SLC2A13: variants seen among roughly 807,000 people sequenced by gnomAD.
SLC2A13 encodes the protein proton myo-inositol cotransporter.
Under a neutral mutation model 64.4 loss-of-function variants are expected in SLC2A13, and 32 were observed. The ratio of observed to expected loss-of-function variants is 0.50; its 90% CI spans 0.37 to 0.67. The LOEUF (loss-of-function observed/expected upper bound fraction) is 0.67. Ranked by LOEUF, SLC2A13 falls within the 30% of genes least tolerant of loss-of-function variation. SLC2A13 has a pLI of 0.00. For synonymous variants in SLC2A13, 338 were observed against 327.1 expected, an observed-to-expected ratio of 1.03 and a Z score of -0.36; for missense variants, 743 against 829.2, an observed-to-expected ratio of 0.90 and a Z score of 1.28.
At chr12:39,936,504 AT>A (rs530097137) in intron 4 of SLC2A13, among the ~76,000 whole-genome samples, 28 of 152,274 alleles carry the variant, frequency 1.8e-4, no homozygotes, top group African/African-American at 6.7e-4. Flanking sequence ...GCCCAGCTAT[AT>A]TTCCTGCCTT....
intron 4 of SLC2A13, among the ~76,000 whole-genome samples, chr12:39,926,455 C>G (rs1945731657): frequency 6.6e-6 from 1 of 152,090 alleles, no homozygotes. Context: ...AATGCAAGCA[C>G]AGATATCAAT....
At chr12:39,940,646 A>ATT (rs113767773) in intron 4 of SLC2A13, among the ~76,000 whole-genome samples, 27 of 151,380 alleles carry the variant, frequency 1.8e-4, no homozygotes, top group Middle Eastern at 3.4e-3. Flanking sequence ...GATGGCTGTG[A>ATT]TTTTTTTTTA....
chr12:39,777,700 G>A (rs1194651176), intron 7 of SLC2A13, among the ~76,000 whole-genome samples: 5 of 152,180 alleles, frequency 3.3e-5, no homozygotes, highest in African/African-American at 1.2e-4. Flanking sequence ...ACAGGTGGCT[G>A]GCCGTCGAGA....
At chr12:39,810,981 A>G (rs1942140673) in intron 7 of SLC2A13, among the ~76,000 whole-genome samples, 1 of 152,224 alleles carries the variant, frequency 6.6e-6, no homozygotes, top group African/African-American at 2.4e-5. Flanking sequence ...CCCTTTTCTG[A>G]AAGAGTTTAT....
At chr12:39,908,994 GT>G (rs34616072) in intron 4 of SLC2A13, among the ~76,000 whole-genome samples, 3 of 151,020 alleles carry the variant, frequency 2.0e-5, no homozygotes, top group South Asian at 2.1e-4. Context: ...TAAAGAAAGA[GT>G]TTTTTTTTAC....
At chr12:39,839,022 G>GCTCA (rs1314652695) in intron 6 of SLC2A13, among the ~76,000 whole-genome samples, 1 of 152,044 alleles carries the variant, frequency 6.6e-6, no homozygotes, top group African/African-American at 2.4e-5. Context: ...AGGTAATTGT[G>GCTCA]CTCACTCACT....
chr12:39,925,321 T>A (rs1178723433), intron 4 of SLC2A13, among the ~76,000 whole-genome samples: 2 of 152,072 alleles, frequency 1.3e-5, no homozygotes. Flanking sequence ...GTGTGAGCCA[T>A]CAGGCCTGGC....
At chr12:40,033,267 A>T (rs1460326304) in intron 2 of SLC2A13, among the ~76,000 whole-genome samples, 1 of 152,256 alleles carries the variant, frequency 6.6e-6, no homozygotes, top group Non-Finnish European at 1.5e-5. Context: ...TTGATAATTA[A>T]TTCTGTAGAA....
chr12:39,960,143 T>G (rs1001527327), intron 3 of SLC2A13, among the ~76,000 whole-genome samples: 1 of 152,212 alleles, frequency 6.6e-6, no homozygotes, highest in Non-Finnish European at 1.5e-5. Context: ...TACTTTTCTC[T>G]AAAGTTATAT....
intron 1 of SLC2A13, among the ~76,000 whole-genome samples, chr12:40,069,247 C>G (rs1305366907): frequency 6.6e-6 from 1 of 152,102 alleles, no homozygotes; most frequent in Non-Finnish European, 1.5e-5. Context: ...CTGGTATTCA[C>G]TCTTTCTGGT....
chr12:39,889,604 C>T (rs1273353722), intron 4 of SLC2A13, among the ~76,000 whole-genome samples: 1 of 146,484 alleles, frequency 6.8e-6, no homozygotes, highest in Non-Finnish European at 1.5e-5. Context: ...ACCATCTTGG[C>T]ACACCACAAC....
intron 4 of SLC2A13, among the ~76,000 whole-genome samples, chr12:39,919,675 C>T (rs1945581558): frequency 6.6e-6 from 1 of 152,006 alleles, no homozygotes; most frequent in Admixed American, 6.6e-5. Flanking sequence ...TGGAAACACC[C>T]CCCAAACCCA....
intron 7 of SLC2A13, among the ~76,000 whole-genome samples, chr12:39,815,338 T>C (rs75923506): frequency 6.6e-6 from 1 of 152,354 alleles, no homozygotes; most frequent in African/African-American, 2.4e-5. Context: ...TATTGTTAAC[T>C]ATTGTCATTT....
intron 2 of SLC2A13, among the ~76,000 whole-genome samples, chr12:40,047,716 T>G (rs1565604382): frequency 1.3e-5 from 2 of 152,230 alleles, no homozygotes; most frequent in Non-Finnish European, 2.9e-5. Flanking sequence ...CATAAACAGC[T>G]TGTCAATCAT....
chr12:39,995,734 G>C (rs1947216709), intron 3 of SLC2A13, among the ~76,000 whole-genome samples: 1 of 152,184 alleles, frequency 6.6e-6, no homozygotes, highest in Admixed American at 6.5e-5. Context: ...GACCTGGTGA[G>C]AGGTCATTGA....
Position 39,895,976 on chromosome 12 carries a change from G to A in SLC2A13, c.1035-24015C>T, listed in dbSNP as rs1944810718. 2.1e-5 allele frequency among the ~76,000 whole-genome samples: 3 copies of A among 144,526 alleles called. No homozygotes were observed. In the East Asian group the frequency reaches 5.9e-4, roughly 29 times the overall value. 94.8% of individuals were successfully genotyped at this position (144,526 alleles called of 152,430 possible). A position where few individuals can be genotyped will look rare whatever the true frequency, so the allele number is the denominator to read the frequency against. On this transcript the variant is annotated intron_variant, in intron 4 of 9. Transcript: ENST00000280871. ...TATGTGTATATATACATGTGTATAT[G>A]TATACATACATTCATATATGTGTAT... is the stretch of plus-strand genomic sequence containing the variant.
intron 3 of SLC2A13, among the ~76,000 whole-genome samples, chr12:39,995,443 T>C (rs542958857): frequency 6.6e-6 from 1 of 152,076 alleles, no homozygotes; most frequent in South Asian, 2.1e-4. Flanking sequence ...GTAACCACCA[T>C]TCTACTCTCT....
At chr12:40,057,741 G>A (rs1948353950) in intron 1 of SLC2A13, among the ~76,000 whole-genome samples, 4 of 152,092 alleles carry the variant, frequency 2.6e-5, no homozygotes, top group South Asian at 2.1e-4. Flanking sequence ...AGAATTTTAC[G>A]CAGTTGGAAC....
At chr12:39,768,041 T>C (rs778847743) in intron 7 of SLC2A13, among the ~76,000 whole-genome samples, 8 of 152,070 alleles carry the variant, frequency 5.3e-5, no homozygotes, top group Non-Finnish European at 1.0e-4. Context: ...TTAGTTATCT[T>C]AGGTAGATGT....
Sources: gnomAD v4.1 joint callset for allele counts (sites outside exome capture counted in the v4.1 genomes callset) on GRCh38, gnomAD v4.1.1 for gene constraint, MANE v1.5 for transcripts, NCBI Gene and HGNC (gene_info 2026-07-23, HGNC 2026-07-21) for gene names.